The following ABCC4 variants were observed in gnomAD, a reference collection of about 807,000 sequenced individuals.
ABCC4 encodes ATP binding cassette subfamily C member 4 (PEL blood group).
Under a neutral mutation model 168.5 loss-of-function variants are expected in ABCC4, and 102 were observed. The observed-to-expected ratio is 0.61, with a 90% CI of 0.52 to 0.71. ABCC4 has a LOEUF of 0.71. ABCC4 is among the 30% of genes least tolerant of loss of function. The pLI is 0.00. For synonymous variants in ABCC4, 617 were observed against 590.7 expected, an observed-to-expected ratio of 1.04 and a Z score of -0.65; for missense variants, 1,402 against 1,605.8, an observed-to-expected ratio of 0.87 and a Z score of 2.17.
At chr13:95,181,072 G>C (rs371433779) in intron 11 of ABCC4, among the ~76,000 whole-genome samples, 2 of 152,226 alleles carry the variant, frequency 1.3e-5, no homozygotes, top group African/African-American at 4.8e-5. Flanking sequence ...CCCAATGGGA[G>C]GAAGGTATCT....
chr13:95,062,594 G>T, intron 26 of ABCC4, 110 bp downstream of exon 26: 1 of 1,029,716 alleles, frequency 9.7e-7, no homozygotes, highest in Non-Finnish European at 1.4e-6. Context: ...TCTATTGGGT[G>T]AAAAAAAAAA....
intron 30 of ABCC4, among the ~76,000 whole-genome samples, chr13:95,029,330 GATATAATATGGA>G (rs2031757189): frequency 6.8e-6 from 1 of 147,666 alleles, no homozygotes; most frequent in Non-Finnish European, 1.5e-5. Context: ...TATATGTATT[GATATAATATGGA>G]ATATAATATT....
Position 95,159,127 on chromosome 13 carries a change from AT to A in ABCC4, c.2455+2061del, listed in dbSNP as rs1566475378. Among the ~76,000 whole-genome samples the A allele has an allele frequency of 4.6e-5, 6 of 129,602 alleles. No homozygotes were observed. The East Asian group carries it at 9.1e-4, about 20-fold the overall frequency. 85.0% of individuals were successfully genotyped at this position (129,602 alleles called of 152,430 possible). ...TATATATATATATATATATATATAT[AT>A]ATATAACTATTGAAGTGCATACAAT... On this transcript the variant is annotated intron_variant, in intron 19 of 30. Transcript: ENST00000645237.
chr13:95,029,191 TATATATATATATATATATATATAGAG>T (rs1398140944), intron 30 of ABCC4, among the ~76,000 whole-genome samples: 8 of 69,198 alleles, frequency 1.2e-4, no homozygotes, highest in African/African-American at 5.1e-4. Context: ...TATATATATA[TATATATATATATATATATATATAGAG>T]AGAGAGAGAG....
At chr13:95,156,969 G>C (rs1441992300) in intron 19 of ABCC4, among the ~76,000 whole-genome samples, 1 of 151,998 alleles carries the variant, frequency 6.6e-6, no homozygotes, top group African/African-American at 2.4e-5. Flanking sequence ...GGTGGACACT[G>C]TAATCCCAGC....
At chr13:95,134,762 G>C (rs1445556654) in intron 19 of ABCC4, among the ~76,000 whole-genome samples, 1 of 152,028 alleles carries the variant, frequency 6.6e-6, no homozygotes, top group Admixed American at 6.6e-5. Flanking sequence ...AAGAGCCATA[G>C]AGAAGGAAAT....
intron 20 of ABCC4, among the ~76,000 whole-genome samples, chr13:95,102,220 C>A (rs939522342): frequency 2.6e-5 from 4 of 152,214 alleles, no homozygotes; most frequent in Non-Finnish European, 4.4e-5. Flanking sequence ...CTGTGGTTCA[C>A]TGCAACCTCG....
chr13:95,092,944 G>A (rs1050613463), intron 20 of ABCC4, among the ~76,000 whole-genome samples: 5 of 152,090 alleles, frequency 3.3e-5, no homozygotes, highest in African/African-American at 1.2e-4. Context: ...AAACCTAGAA[G>A]AGATGGATAA....
chr13:95,133,128 T>TTTG, intron 19 of ABCC4, among the ~76,000 whole-genome samples: 1 of 149,568 alleles, frequency 6.7e-6, no homozygotes. Flanking sequence ...TTTTTTTTTT[T>TTTG]TTGGAGACAG....
chr13:95,169,582 G>A (rs970569357), intron 14 of ABCC4, among the ~76,000 whole-genome samples: 1 of 152,150 alleles, frequency 6.6e-6, no homozygotes, highest in East Asian at 1.9e-4. Flanking sequence ...CTCCCCAGGT[G>A]ACCGCATGGT....
intron 26 of ABCC4, chr13:95,055,441 A>G (rs2033015984): frequency 6.6e-6 from 1 of 152,228 alleles, no homozygotes; most frequent in Non-Finnish European, 1.5e-5. Context: ...TAGCAAAACC[A>G]ATGTTCTGTT....
chr13:95,021,643 CA>C lies in ABCC4; in HGVS notation c.3909del (p.Asp1304ThrfsTer15). 5.0e-6 allele frequency: 8 copies of C among 1,612,242 alleles called. No homozygotes were observed. Among genetic ancestry groups the C allele is most frequent in the Non-Finnish European group, 6.8e-6 (8 of 1,178,808 alleles). ...TTGGAAGTGTTTGTAACCATGTGGT[CA>C]GTGTGACCAATATGTGGATAATTTC... ...FKRNYPHIGH[T>X]DHMVTNTSNG... is the part of the protein sequence containing the mutation. On this transcript the variant is annotated frameshift_variant, in exon 31 of 31. Coordinates refer to ENST00000645237, the MANE Select transcript of ABCC4 (RefSeq NM_005845.5). LOFTEE classifies it high-confidence loss of function.
rs1390371006 is a variant in ABCC4, at chr13:95,194,863, C to A, written c.1236G>T (p.Val412=). The A allele has an allele frequency of 1.2e-6, 2 of 1,614,056 alleles. No homozygotes were observed. The highest frequency in any genetic ancestry group is 2.2e-5 in the South Asian group (2 of 91,048). The part of the protein sequence containing the change: ...LPSDGKKMVH[V]QDFTAFWDKA... ...TATCCCAAAAAGCAGTAAAATCCTG[C>A]ACATGCACCATCTTTTTACCATCTG... The change falls in exon 9 of 31, where the codon GTG becomes GTT. Residue 412 remains valine, a synonymous_variant. Coordinates refer to ENST00000645237, the MANE Select transcript of ABCC4 (RefSeq NM_005845.5).
intron 11 of ABCC4, among the ~76,000 whole-genome samples, chr13:95,183,407 C>T (rs111484505): frequency 0.037 from 5,704 of 152,194 alleles, 356 homozygotes; most frequent in African/African-American, 0.13. Context: ...CCATCTAACA[C>T]CCACCATTGA....
intron 19 of ABCC4, among the ~76,000 whole-genome samples, chr13:95,137,897 G>C (rs1282717167): frequency 6.6e-6 from 1 of 152,166 alleles, no homozygotes; most frequent in Non-Finnish European, 1.5e-5. Flanking sequence ...GTTTGACAGA[G>C]AACACTATAA....
intron 19 of ABCC4, among the ~76,000 whole-genome samples, chr13:95,118,743 G>C (rs894861957): frequency 3.9e-5 from 6 of 152,212 alleles, no homozygotes; most frequent in Non-Finnish European, 7.3e-5. Context: ...GAGAAGAGGA[G>C]TCACTGTTTC....
chr13:95,287,336 C>G (rs2138938353), intron 1 of ABCC4, among the ~76,000 whole-genome samples: 1 of 150,614 alleles, frequency 6.6e-6, no homozygotes, highest in East Asian at 2.0e-4. Flanking sequence ...CGCCTCTAAT[C>G]CCAGCACTTT....
chr13:95,085,439 C>CA (rs917169161), intron 20 of ABCC4, among the ~76,000 whole-genome samples: 5 of 152,018 alleles, frequency 3.3e-5, no homozygotes, highest in African/African-American at 7.2e-5. Flanking sequence ...GACTACATCT[C>CA]AAAAAACAAA....
Position 95,034,747 on chromosome 13 carries a change from T to C in ABCC4, c.3736-8A>G. Reference sequence around the variant, plus strand: ...TCTTCCTGAATCTAAAACCTGTTAATCAGCAGAAAGAAACCCATTGAAACA... The same window carrying C: ...TCTTCCTGAATCTAAAACCTGTTAACCAGCAGAAAGAAACCCATTGAAACA... On this transcript the variant is annotated splice_polypyrimidine_tract_variant and splice_region_variant and intron_variant, in intron 29 of 30. Transcript: ENST00000645237. 1 of 1,613,938 alleles carries C rather than the reference T, an allele frequency of 6.2e-7. No homozygotes were observed. Among genetic ancestry groups the C allele is most frequent in the Non-Finnish European group, 8.5e-7 (1 of 1,179,990 alleles).
Sources: allele counts gnomAD v4.1 joint callset (sites outside exome capture counted in the v4.1 genomes callset), GRCh38; gene constraint gnomAD v4.1.1; transcripts MANE v1.5; gene names NCBI Gene and HGNC (gene_info 2026-07-23, HGNC 2026-07-21).